The following SLC4A8 variants were observed in gnomAD, a reference collection of about 807,000 sequenced individuals.
SLC4A8 encodes electroneutral sodium bicarbonate exchanger 1.
Under a neutral mutation model 125.0 loss-of-function variants are expected in SLC4A8, and 40 were observed. The ratio of observed to expected loss-of-function variants is 0.32; its 90% CI spans 0.25 to 0.42. SLC4A8 has a LOEUF of 0.42. Among genes scored for constraint, SLC4A8 ranks in the 10% least tolerant of loss-of-function variants. The pLI is 1.00. For synonymous variants in SLC4A8, 456 were observed against 476.0 expected, an observed-to-expected ratio of 0.96 and a Z score of 0.55; for missense variants, 863 against 1,355.1, an observed-to-expected ratio of 0.64 and a Z score of 5.70.
At position 51,475,671 on chromosome 12, in the gene SLC4A8, A is replaced by G. The variant is rs1332276321; in HGVS notation, c.2172+465A>G. The stretch of plus-strand genomic sequence containing the variant: ...GGCGACACTGACTGCAGCAACCAGC[A>G]TGCTCCTGACTTAGTTTGTATGACT... On this transcript the variant is annotated intron_variant, in intron 16 of 24. Coordinates refer to ENST00000453097, the MANE Select transcript of SLC4A8 (RefSeq NM_001039960.3). Among the ~76,000 whole-genome samples, 5 of 152,230 alleles carry G rather than the reference A, an allele frequency of 3.3e-5. No homozygotes were observed. In the South Asian group the frequency reaches 1.0e-3, roughly 32 times the overall value.
chr12:51,455,285 A>G (rs546981437), intron 5 of SLC4A8, among the ~76,000 whole-genome samples: 42 of 152,106 alleles, frequency 2.8e-4, no homozygotes, highest in African/African-American at 9.9e-4. Flanking sequence ...AAAAAAAAAA[A>G]AGTAAAAGAA....
intron 3 of SLC4A8, 24 bp downstream of exon 3, chr12:51,451,046 G>A (rs747733200): frequency 9.0e-6 from 13 of 1,452,440 alleles, no homozygotes; most frequent in Non-Finnish European, 1.1e-5. Flanking sequence ...GAGACAGGGC[G>A]GGTGTCCATG....
At chr12:51,426,941 CT>C (rs555144134) in intron 1 of SLC4A8, among the ~76,000 whole-genome samples, 2,114 of 131,288 alleles carry the variant, frequency 0.016, 38 homozygotes, top group African/African-American at 0.054. Context: ...TTTTTCTTTT[CT>C]TTTTTTTTTT....
chr12:51,457,589 C>G (rs779127923), intron 6 of SLC4A8, 50 bp downstream of exon 6: 9 of 1,537,450 alleles, frequency 5.9e-6, no homozygotes, highest in Non-Finnish European at 8.0e-6. Context: ...ACATTGGGAA[C>G]TAGTTGGAGA....
chr12:51,436,846 C>T (rs1949437334), intron 1 of SLC4A8, among the ~76,000 whole-genome samples: 1 of 152,026 alleles, frequency 6.6e-6, no homozygotes, highest in Non-Finnish European at 1.5e-5. Context: ...AGGCTGGTCT[C>T]GAACTCCTGA....
intron 2 of SLC4A8, among the ~76,000 whole-genome samples, chr12:51,447,477 G>T (rs537610655): frequency 2.6e-5 from 4 of 152,100 alleles, no homozygotes; most frequent in Non-Finnish European, 4.4e-5. Flanking sequence ...CATCTGCAGT[G>T]CATCTTGAAT....
chr12:51,399,999 A>C (rs1948342617), intron 1 of SLC4A8, among the ~76,000 whole-genome samples: 1 of 151,576 alleles, frequency 6.6e-6, no homozygotes, highest in Admixed American at 6.6e-5. Flanking sequence ...AAAAAAAAAA[A>C]ACCATGTTGG....
chr12:51,443,717 C>T (rs1245997787), intron 2 of SLC4A8, among the ~76,000 whole-genome samples: 3 of 152,134 alleles, frequency 2.0e-5, no homozygotes, highest in Non-Finnish European at 4.4e-5. Flanking sequence ...TACATCTGCT[C>T]GACATGTGAG....
intron 1 of SLC4A8, among the ~76,000 whole-genome samples, chr12:51,397,597 A>G (rs1948288720): frequency 6.6e-6 from 1 of 152,222 alleles, no homozygotes; most frequent in South Asian, 2.1e-4. Context: ...CAAAAAAAGA[A>G]GACAAGTTAT....
intron 1 of SLC4A8, among the ~76,000 whole-genome samples, chr12:51,396,998 C>T (rs1158663107): frequency 7.4e-6 from 1 of 134,342 alleles, no homozygotes; most frequent in Admixed American, 8.6e-5. Context: ...CGCACGATCT[C>T]AGCTCACTGC....
rs570587101 is a variant in SLC4A8 at position 51,424,963 on chromosome 12, G to T, written c.-25G>T. On this transcript the variant is annotated 5_prime_UTR_variant, in exon 1 of 25. Transcript: ENST00000453097. ...TGCTGATGCTTGGCTTGGAGCCCGT[G>T]GGGGAGACCTAGTTCGGCTCCGCCA... is the stretch of plus-strand genomic sequence containing the variant. The T allele has an allele frequency of 2.4e-5, 37 of 1,550,806 alleles. No individual in the cohort carries two copies. The Admixed American group carries it at 4.7e-4, about 20-fold the overall frequency.
At chr12:51,506,393 G>A (rs904977147) in intron 24 of SLC4A8, among the ~76,000 whole-genome samples, 1 of 151,334 alleles carries the variant, frequency 6.6e-6, no homozygotes, top group African/African-American at 2.4e-5. Flanking sequence ...ATATTAAATT[G>A]TAACTGGTTT....
intron 19 of SLC4A8, 126 bp from the exon 20 acceptor site, chr12:51,493,578 A>G (rs1565819694): frequency 1.0e-5 from 7 of 669,548 alleles, no homozygotes; most frequent in Non-Finnish European, 1.1e-5. Flanking sequence ...AGCAGAAACT[A>G]ATGCAATGTG....
chr12:51,464,353 A>G (rs924255955), intron 11 of SLC4A8, among the ~76,000 whole-genome samples: 2 of 152,172 alleles, frequency 1.3e-5, no homozygotes, highest in Non-Finnish European at 2.9e-5. Flanking sequence ...TTGAGTGATC[A>G]TTTTAGGTTA....
At chr12:51,403,373 C>T (rs1424553225) in intron 1 of SLC4A8, 1 of 403,626 alleles carries the variant, frequency 2.5e-6, no homozygotes, top group East Asian at 7.4e-5. Flanking sequence ...CCATGACAGC[C>T]TGTTGATGAG....
intron 5 of SLC4A8, among the ~76,000 whole-genome samples, chr12:51,456,315 G>T (rs938518646): frequency 1.3e-4 from 20 of 152,152 alleles, no homozygotes; most frequent in African/African-American, 4.6e-4. Flanking sequence ...CAGAAATATG[G>T]CTCTTCAGCT....
chr12:51,466,702 A>G (rs1342640043), intron 11 of SLC4A8, among the ~76,000 whole-genome samples: 1 of 152,220 alleles, frequency 6.6e-6, no homozygotes, highest in Admixed American at 6.5e-5. Context: ...TGAATGAGGT[A>G]TGAGGCTGAC....
In SLC4A8 at chr12:51,410,460, C is replaced by CT. The variant is rs879520939; in HGVS notation, c.-112+18985dup. Among the ~76,000 whole-genome samples the CT allele has an allele frequency of 5.8e-3, 833 of 144,550 alleles. 2 individuals carry two copies. The highest frequency in any genetic ancestry group is 0.016 in the African/African-American group (629 of 39,708). The allele number at this position is 144,550 out of a possible 152,430, so 94.8% of individuals were successfully genotyped here. A position where few individuals can be genotyped will look rare whatever the true frequency, so the allele number is the denominator to read the frequency against. Reference sequence around the variant, plus strand: ...ATGCATCTGGTGTTGAAATTAATCTCTTTTTTTTTTTTTGAGATGGAGTTT... The same window carrying CT: ...ATGCATCTGGTGTTGAAATTAATCTCTTTTTTTTTTTTTTGAGATGGAGTTT... On this transcript the variant is annotated intron_variant, in intron 1 of 24. Coordinates refer to the SLC4A8 transcript ENST00000358657.
At chr12:51,476,170 T>C (rs1319564031) in intron 16 of SLC4A8, among the ~76,000 whole-genome samples, 3 of 152,172 alleles carry the variant, frequency 2.0e-5, no homozygotes, top group Non-Finnish European at 4.4e-5. Context: ...ATACATTGTG[T>C]ATTTGTAGTT....
Sources: gnomAD v4.1 joint callset for allele counts (sites outside exome capture counted in the v4.1 genomes callset) on GRCh38, gnomAD v4.1.1 for gene constraint, MANE v1.5 for transcripts, NCBI Gene and HGNC (gene_info 2026-07-23, HGNC 2026-07-21) for gene names.